The following NPRL3 variants were observed in gnomAD, a reference collection of about 807,000 sequenced individuals.
NPRL3 encodes NPR3 like, GATOR1 complex subunit, also known as GATOR1 complex protein NPRL3.
NPRL3 carries 23 observed loss-of-function variants against 57.2 expected under a neutral mutation model. The ratio of observed to expected loss-of-function variants is 0.40; its 90% CI spans 0.29 to 0.57. NPRL3 has a LOEUF of 0.57. NPRL3 is among the 20% of genes least tolerant of loss of function. NPRL3 has a pLI of 0.42. For missense variants in NPRL3, 691 were observed against 767.1 expected (o/e 0.90, Z 1.17); for synonymous variants, 333 against 321.1 (o/e 1.04, Z -0.39).
At chr16:112,294 C>T (rs918075626) in intron 6 of NPRL3, among the ~76,000 whole-genome samples, 9 of 152,234 alleles carry the variant, frequency 5.9e-5, no homozygotes, top group Non-Finnish European at 1.2e-4. Flanking sequence ...AAATGTGCCC[C>T]TTGGGAGTCT....
intron 6 of NPRL3, among the ~76,000 whole-genome samples, chr16:112,099 G>C (rs1253228963): frequency 1.3e-5 from 2 of 152,186 alleles, no homozygotes; most frequent in African/African-American, 4.8e-5. Flanking sequence ...CTCACCAGCT[G>C]GATATTTCCA....
chr16:98,090 T>A (rs1596505432), intron 9 of NPRL3, 55 bp downstream of exon 9: 1 of 1,583,456 alleles, frequency 6.3e-7, no homozygotes, highest in East Asian at 2.2e-5. Flanking sequence ...CGGCCTGCCT[T>A]TCCTGATGCC....
Position 86,851 on chromosome 16 carries a change from C to G in NPRL3, c.1564G>C (p.Gly522Arg). The change falls in exon 14 of 14, where the codon GGC becomes CGC. Residue 522 changes from glycine to arginine, a missense_variant. Gly to Arg is a moderately radical substitution (Grantham distance 125). Coordinates refer to ENST00000611875, the MANE Select transcript of NPRL3 (RefSeq NM_001077350.3). ...MFARLLHYFR[G>R]RHHLEEIMYN... ...ATAATCTCCTCCAGGTGGTGGCGGC[C>G]GCGGAAGTAGTGAAGGAGCCTGGAA... The G allele has an allele frequency of 6.2e-7, 1 of 1,613,196 alleles. No homozygotes were observed. The highest frequency in any genetic ancestry group is 8.5e-7 in the Non-Finnish European group (1 of 1,179,658).
intron 2 of NPRL3, among the ~76,000 whole-genome samples, chr16:131,192 G>A (rs779725533): frequency 3.3e-5 from 5 of 152,162 alleles, no homozygotes; most frequent in African/African-American, 7.2e-5. Flanking sequence ...AAAATTAGCC[G>A]GGCATGGCTG....
intron 7 of NPRL3, among the ~76,000 whole-genome samples, chr16:103,300 T>TTTTTC (rs1899384952): frequency 1.2e-5 from 1 of 85,474 alleles, no homozygotes; most frequent in Non-Finnish European, 2.2e-5. Context: ...GGGGTGATTT[T>TTTTTC]TTTTTTTTTT....
chr16:97,816 C>T (rs8061989), intron 9 of NPRL3, among the ~76,000 whole-genome samples: 1,816 of 152,270 alleles, frequency 0.012, 37 homozygotes, highest in African/African-American at 0.04. Flanking sequence ...TGGCCCTGCC[C>T]GCTGCTGCCC....
chr16:112,130 G>A (rs1899841040), intron 6 of NPRL3, among the ~76,000 whole-genome samples: 1 of 152,222 alleles, frequency 6.6e-6, no homozygotes, highest in South Asian at 2.1e-4. Context: ...CTGCCCCAGG[G>A]AGTAATAGTT....
At chr16:135,794 AACAGGG>A (rs1176155781) in intron 2 of NPRL3, among the ~76,000 whole-genome samples, 1 of 152,128 alleles carries the variant, frequency 6.6e-6, no homozygotes, top group African/African-American at 2.4e-5. Context: ...CACAGAAGCA[AACAGGG>A]TGACTATAGC....
chr16:88,728 T>C lies in NPRL3; in HGVS notation c.1514A>G (p.Gln505Arg), dbSNP rs760699855. 6.2e-7 allele frequency: 1 copy of C among 1,613,230 alleles called. No individual in the cohort carries two copies. Among genetic ancestry groups the C allele is most frequent in the Admixed American group, 1.7e-5 (1 of 59,952 alleles). The change falls in exon 13 of 14, where the codon CAG becomes CGG. Residue 505 changes from glutamine (Q) to arginine (R), a missense_variant. Coordinates refer to ENST00000611875, the MANE Select transcript of NPRL3 (RefSeq NM_001077350.3). ...AAACATGCGGAGGTCCTCAGGGTTC[T>C]GGGCTGCGGGTACACTGAGGATGGC... ...RAAILSVPAA[Q>R]NPEDLRMFAR...
intron 3 of NPRL3, among the ~76,000 whole-genome samples, chr16:121,236 G>A (rs1236368752): frequency 6.6e-6 from 1 of 152,100 alleles, no homozygotes; most frequent in Non-Finnish European, 1.5e-5. Flanking sequence ...TAAACTTCAA[G>A]GCGCCCTCAC....
rs747525501 is a variant in NPRL3, at chr16:86,797, G to A, written c.1618C>T (p.Leu540=). The A allele has an allele frequency of 6.2e-7, 1 of 1,611,474 alleles. No homozygotes were observed. Among genetic ancestry groups the A allele is most frequent in the Admixed American group, 1.7e-5 (1 of 59,654 alleles). ...CGGAACTTGTCAAACAGCATGAGCA[G>A]CTGGGAGCGCCGCGTGTTCTCGTTG... is the stretch of plus-strand genomic sequence containing the variant. ...MYNENTRRSQ[L]LMLFDKFRSV... The change falls in exon 14 of 14, where the codon CTG becomes TTG. Residue 540 remains leucine (L), a synonymous_variant. Transcript: ENST00000611875.
At position 138,144 on chromosome 16, in the gene NPRL3, A is replaced by C. The variant is rs754783319; in HGVS notation, c.118+6T>G. 6.3e-7 allele frequency: 1 copy of C among 1,592,312 alleles called. No individual in the cohort carries two copies. The highest frequency in any genetic ancestry group is 8.5e-7 in the Non-Finnish European group (1 of 1,169,622). On this transcript the variant is annotated splice_donor_region_variant and intron_variant, in intron 2 of 13. Coordinates refer to ENST00000611875, the MANE Select transcript of NPRL3 (RefSeq NM_001077350.3). ...AGCGCCAGGCCCCCGCCCAGCGCTCACTTACTTGTCTGGGACGCCGGGTGC... is the reference window on the plus strand; with the variant it reads ...AGCGCCAGGCCCCCGCCCAGCGCTCCCTTACTTGTCTGGGACGCCGGGTGC...
intron 9 of NPRL3, among the ~76,000 whole-genome samples, chr16:97,166 C>G (rs1036858632): frequency 1.3e-5 from 2 of 152,260 alleles, no homozygotes; most frequent in Non-Finnish European, 2.9e-5. Flanking sequence ...TCCCGTGGCT[C>G]TGGGCCACGC....
rs773656881 is a variant in NPRL3, at chr16:98,209, T to G, written c.860A>C (p.Lys287Thr). The G allele has an allele frequency of 3.7e-6, 6 of 1,613,858 alleles. No individual in the cohort carries two copies. Among genetic ancestry groups the G allele is most frequent in the Middle Eastern group, 3.3e-4 (2 of 6,082 alleles). ...DCSPALVRVI[K>T]TTSAVKNLQQ... ...CAGGTTCTTCACAGCAGATGTGGTC[T>G]TGATCACCCGCACTAGGGCAGGGGA... is the stretch of plus-strand genomic sequence containing the variant. The change falls in exon 9 of 14, where the codon AAG becomes ACG. Residue 287 changes from lysine (K) to threonine (T), a missense_variant. Lys to Thr is a moderately conservative substitution (Grantham distance 78). Transcript: ENST00000611875.
chr16:112,793 TA>T lies in NPRL3; in HGVS notation c.394-19del. The T allele has an allele frequency of 1.9e-6, 3 of 1,569,168 alleles. 1 individual carries two copies. In the South Asian group the frequency reaches 3.5e-5, roughly 18 times the overall value. ...GCGTTGGCCTGCAGGAGAGAGACCA[TA>T]CACAGACTCAAACGTGTGCACAGGG... On this transcript the variant is annotated intron_variant, in intron 5 of 13. Coordinates refer to ENST00000611875, the MANE Select transcript of NPRL3 (RefSeq NM_001077350.3).
At chr16:89,585 C>A (rs1316606439) in intron 12 of NPRL3, 128 bp downstream of exon 12, 12 of 860,756 alleles carry the variant, frequency 1.4e-5, no homozygotes, top group Non-Finnish European at 1.8e-5. Context: ...GGACACGAGG[C>A]ACGTGCATGT....
At chr16:117,704 C>T (rs1900105990) in intron 4 of NPRL3, among the ~76,000 whole-genome samples, 1 of 152,218 alleles carries the variant, frequency 6.6e-6, no homozygotes, top group Non-Finnish European at 1.5e-5. Flanking sequence ...CGCCTGCATC[C>T]ACCAGGCTGT....
intron 3 of NPRL3, chr16:123,536 A>G: frequency 2.1e-6 from 1 of 471,128 alleles, no homozygotes; most frequent in South Asian, 1.5e-5. Flanking sequence ...CGGTTGGAGG[A>G]CATGGCTCGC....
chr16:110,731 G>T, intron 6 of NPRL3, 125 bp from the exon 7 acceptor site: 2 of 688,908 alleles, frequency 2.9e-6, no homozygotes, highest in East Asian at 3.0e-5. Flanking sequence ...TGTATTTTTG[G>T]TAGAGACAGG....
Sources: allele counts gnomAD v4.1 joint callset (sites outside exome capture counted in the v4.1 genomes callset), GRCh38; gene constraint gnomAD v4.1.1; transcripts MANE v1.5; gene names NCBI Gene and HGNC (gene_info 2026-07-23, HGNC 2026-07-21).